The following EPHA6 variants were observed in gnomAD, a reference collection of about 807,000 sequenced individuals.
EPHA6 encodes ephrin type-A receptor 6.
In EPHA6, 50 loss-of-function variants were observed where a neutral mutation model predicts 112.0. That is an observed-to-expected ratio of 0.45 (90% CI 0.36 to 0.56). The LOEUF is 0.56. EPHA6 is among the 20% of genes least tolerant of loss of function. The pLI is 0.00. For missense variants in EPHA6, 1,280 were observed against 1,417.4 expected, an observed-to-expected ratio of 0.90 and a Z score of 1.56; for synonymous variants, 529 against 490.7, an observed-to-expected ratio of 1.08 and a Z score of -1.03.
At position 96,990,949 on chromosome 3, in the gene EPHA6, T is replaced by G. The variant is rs2043193309; in HGVS notation, c.1114+2956T>G. Among the ~76,000 whole-genome samples, 2 of 152,102 alleles carry G rather than the reference T, an allele frequency of 1.3e-5. 1 individual carries two copies. Among genetic ancestry groups the G allele is most frequent in the Admixed American group, 1.3e-4 (2 of 15,250 alleles). ...AAGAAAAAATGAGTATATCACTATT[T>G]TTCTTCTTGTCTATTCTGTGTAAAC... On this transcript the variant is annotated intron_variant, in intron 3 of 17. Transcript: ENST00000389672.
intron 5 of EPHA6, among the ~76,000 whole-genome samples, chr3:97,271,900 C>T (rs2079895067): frequency 6.6e-6 from 1 of 152,124 alleles, no homozygotes; most frequent in Admixed American, 6.5e-5. Flanking sequence ...CATCTATCCC[C>T]TTCCATGGTT....
chr3:96,933,410 T>C (rs2318066), intron 2 of EPHA6, among the ~76,000 whole-genome samples: 4,758 of 152,192 alleles, frequency 0.031, 108 homozygotes, highest in Middle Eastern at 0.065. Flanking sequence ...ATTTTTTAGC[T>C]AAATATGTTT....
intron 6 of EPHA6, among the ~76,000 whole-genome samples, chr3:97,439,392 T>A (rs1002689592): frequency 6.6e-6 from 1 of 152,202 alleles, no homozygotes; most frequent in African/African-American, 2.4e-5. Flanking sequence ...GCCACAACAG[T>A]GGCTAATTTT....
At chr3:97,058,558 T>G (rs1301614115) in intron 3 of EPHA6, among the ~76,000 whole-genome samples, 2 of 152,156 alleles carry the variant, frequency 1.3e-5, no homozygotes, top group Non-Finnish European at 2.9e-5. Context: ...CACCTTGGCC[T>G]CCCAAAGTGC....
At chr3:97,153,785 A>G (rs534625829) in intron 3 of EPHA6, among the ~76,000 whole-genome samples, 8 of 152,168 alleles carry the variant, frequency 5.3e-5, no homozygotes, top group Non-Finnish European at 7.4e-5. Context: ...GCAATACTGC[A>G]TGTGATCAAA....
At chr3:97,623,980 C>G (rs2093834364) in intron 13 of EPHA6, among the ~76,000 whole-genome samples, 1 of 151,348 alleles carries the variant, frequency 6.6e-6, no homozygotes, top group African/African-American at 2.4e-5. Context: ...TATCTAAGGT[C>G]CCTTGAAATA....
intron 5 of EPHA6, among the ~76,000 whole-genome samples, chr3:97,374,718 A>G (rs909104352): frequency 1.3e-5 from 2 of 152,086 alleles, no homozygotes; most frequent in African/African-American, 4.8e-5. Context: ...CTTTATGCCC[A>G]TGTGTATCCA....
intron 5 of EPHA6, among the ~76,000 whole-genome samples, chr3:97,337,103 A>G (rs1427008230): frequency 1.3e-5 from 2 of 152,162 alleles, no homozygotes; most frequent in African/African-American, 2.4e-5. Context: ...TATAAAATAC[A>G]AAGAGAGAGA....
At chr3:97,082,751 TTTCTC>T (rs543223761) in intron 3 of EPHA6, among the ~76,000 whole-genome samples, 114 of 152,064 alleles carry the variant, frequency 7.5e-4, no homozygotes, top group African/African-American at 2.6e-3. Context: ...TATTTAGTCT[TTTCTC>T]TGGCCTGGGG....
chr3:97,584,099 T>G (rs2093466634), intron 11 of EPHA6, among the ~76,000 whole-genome samples: 1 of 152,214 alleles, frequency 6.6e-6, no homozygotes, highest in Admixed American at 6.5e-5. Context: ...TTATACTATT[T>G]GAGTGTACAT....
At chr3:97,690,140 A>G (rs904594317) in intron 14 of EPHA6, among the ~76,000 whole-genome samples, 2 of 152,220 alleles carry the variant, frequency 1.3e-5, no homozygotes, top group African/African-American at 2.4e-5. Flanking sequence ...TATCTTGGGT[A>G]TATCCCTAGA....
At chr3:97,542,848 A>G (rs1427106206) in intron 11 of EPHA6, among the ~76,000 whole-genome samples, 1 of 152,212 alleles carries the variant, frequency 6.6e-6, no homozygotes. Context: ...ATGGCCAGTG[A>G]TGATGAGCAT....
At chr3:97,259,437 G>T (rs1266093139) in intron 5 of EPHA6, among the ~76,000 whole-genome samples, 1 of 152,012 alleles carries the variant, frequency 6.6e-6, no homozygotes, top group East Asian at 1.9e-4. Flanking sequence ...AGTGATGTAG[G>T]TGTATTCTTC....
chr3:97,194,631 G>A (rs1021584095), intron 3 of EPHA6, among the ~76,000 whole-genome samples: 2 of 151,294 alleles, frequency 1.3e-5, no homozygotes, highest in African/African-American at 2.4e-5. Context: ...TTGATTTTCT[G>A]TCTGGAAGAT....
chr3:97,760,086 T>C lies in EPHA6; in HGVS notation c.*11385T>C, dbSNP rs2036120728. On this transcript the variant is annotated 3_prime_UTR_variant, in exon 18 of 18. Coordinates refer to ENST00000389672, the MANE Select transcript of EPHA6 (RefSeq NM_001080448.3). Reference sequence around the variant, plus strand: ...TTAGCTTAATCCTGAAAGATGTATATTGCATAATCAACCTGTCACTTTTTT... The same window carrying C: ...TTAGCTTAATCCTGAAAGATGTATACTGCATAATCAACCTGTCACTTTTTT... 5.5e-6 allele frequency: 1 copy of C among 183,084 alleles called. No homozygotes were observed. Among genetic ancestry groups the C allele is most frequent in the Admixed American group, 6.3e-5 (1 of 15,984 alleles). The allele number at this position is 183,084 out of a possible 1,614,324, so 11.3% of individuals were successfully genotyped here. A position where few individuals can be genotyped will look rare whatever the true frequency, so the allele number is the denominator to read the frequency against.
intron 16 of EPHA6, among the ~76,000 whole-genome samples, chr3:97,743,547 A>T (rs1452094255): frequency 6.6e-6 from 1 of 152,130 alleles, no homozygotes; most frequent in Admixed American, 6.6e-5. Context: ...AAGCATCCAC[A>T]TATAGAATAG....
intron 10 of EPHA6, among the ~76,000 whole-genome samples, chr3:97,505,591 A>G (rs563332486): frequency 1.3e-5 from 2 of 152,172 alleles, no homozygotes; most frequent in South Asian, 4.2e-4. Context: ...TCTGTCATTG[A>G]TGGGCATTTG....
At chr3:97,603,410 A>C (rs2093657629) in intron 12 of EPHA6, among the ~76,000 whole-genome samples, 1 of 151,948 alleles carries the variant, frequency 6.6e-6, no homozygotes, top group African/African-American at 2.4e-5. Context: ...AATGCAGATC[A>C]CCTTTCCTAA....
chr3:97,330,770 G>A (rs2082755197), intron 5 of EPHA6, among the ~76,000 whole-genome samples: 1 of 152,072 alleles, frequency 6.6e-6, no homozygotes, highest in Admixed American at 6.6e-5. Flanking sequence ...CCTACAAAGT[G>A]ACTTAGACTC....
Sources: gnomAD v4.1 joint callset for allele counts (sites outside exome capture counted in the v4.1 genomes callset) on GRCh38, gnomAD v4.1.1 for gene constraint, MANE v1.5 for transcripts, NCBI Gene and HGNC (gene_info 2026-07-23, HGNC 2026-07-21) for gene names.